CNTNAP5: variants seen among roughly 807,000 people sequenced by gnomAD.
CNTNAP5 encodes contactin-associated protein-like 5.
In CNTNAP5, 72 loss-of-function variants were observed where a neutral mutation model predicts 150.2. The observed-to-expected ratio is 0.48, with a 90% CI of 0.40 to 0.58. The LOEUF (loss-of-function observed/expected upper bound fraction) is 0.58. Ranked by LOEUF, CNTNAP5 falls within the 20% of genes least tolerant of loss-of-function variation. The pLI, the probability that CNTNAP5 is intolerant of heterozygous loss-of-function variation, is 0.00. For missense variants in CNTNAP5, 1,636 were observed against 1,626.2 expected (o/e 1.01, Z -0.10); for synonymous variants, 672 against 619.8 (o/e 1.08, Z -1.25).
chr2:124,488,806 T>C (rs1042268294), intron 7 of CNTNAP5, among the ~76,000 whole-genome samples: 1 of 152,212 alleles, frequency 6.6e-6, no homozygotes, highest in Admixed American at 6.5e-5. Flanking sequence ...CATCTTCTCA[T>C]AGAAGGCTGA....
At chr2:124,651,505 C>T (rs1678322481) in intron 13 of CNTNAP5, among the ~76,000 whole-genome samples, 1 of 152,126 alleles carries the variant, frequency 6.6e-6, no homozygotes, top group Admixed American at 6.6e-5. Flanking sequence ...TCATTGTCCC[C>T]ATCTGATATT....
intron 1 of CNTNAP5, among the ~76,000 whole-genome samples, chr2:124,076,199 C>T (rs1254699856): frequency 1.3e-5 from 2 of 152,120 alleles, no homozygotes; most frequent in Non-Finnish European, 1.5e-5. Flanking sequence ...ACCCTGACTT[C>T]ACATTCTTTG....
At chr2:124,795,885 C>T (rs938686341) in intron 18 of CNTNAP5, among the ~76,000 whole-genome samples, 2 of 151,738 alleles carry the variant, frequency 1.3e-5, no homozygotes, top group African/African-American at 4.8e-5. Context: ...GTTCTTCCAC[C>T]AAGTGGATGC....
intron 3 of CNTNAP5, among the ~76,000 whole-genome samples, chr2:124,330,269 T>C (rs1689317488): frequency 6.6e-6 from 1 of 152,200 alleles, no homozygotes; most frequent in Admixed American, 6.5e-5. Flanking sequence ...AAAGCCTTGG[T>C]AATATAATCA....
At position 124,861,959 on chromosome 2, in the gene CNTNAP5, A is replaced by G. The variant is rs1056730016; in HGVS notation, c.3218-3347A>G. ...CTCCTGAGTAGCTGGGATTACAGGC[A>G]TGTGCCACCATGCCCAGCTAATTTT... On this transcript the variant is annotated intron_variant, in intron 19 of 23. Transcript: ENST00000682447. Among the ~76,000 whole-genome samples, 5 of 152,030 alleles carry G rather than the reference A, an allele frequency of 3.3e-5. No homozygotes were observed. In the South Asian group the frequency reaches 6.2e-4, roughly 19 times the overall value.
chr2:124,707,803 T>C (rs1404223986), intron 13 of CNTNAP5, among the ~76,000 whole-genome samples: 1 of 152,220 alleles, frequency 6.6e-6, no homozygotes, highest in Non-Finnish European at 1.5e-5. Context: ...GGAAAATTTT[T>C]GTCATCAGCC....
intron 2 of CNTNAP5, among the ~76,000 whole-genome samples, chr2:124,235,839 T>C (rs1305394091): frequency 1.3e-5 from 2 of 152,170 alleles, no homozygotes; most frequent in African/African-American, 2.4e-5. Flanking sequence ...TCCTTTGTTG[T>C]TTTCTGCAGA....
At chr2:124,520,137 T>A (rs1694819334) in intron 8 of CNTNAP5, among the ~76,000 whole-genome samples, 1 of 152,192 alleles carries the variant, frequency 6.6e-6, no homozygotes, top group Non-Finnish European at 1.5e-5. Flanking sequence ...ATGCAGCACG[T>A]CCTATTTATT....
chr2:124,291,863 A>G (rs928841069), intron 3 of CNTNAP5, among the ~76,000 whole-genome samples: 2 of 152,220 alleles, frequency 1.3e-5, no homozygotes, highest in African/African-American at 4.8e-5. Flanking sequence ...TGTGTCCAAC[A>G]TGGTGTGGTC....
chr2:124,314,263 G>T (rs1338649142), intron 3 of CNTNAP5, among the ~76,000 whole-genome samples: 2 of 152,130 alleles, frequency 1.3e-5, no homozygotes, highest in Non-Finnish European at 2.9e-5. Flanking sequence ...TGATTTCCGT[G>T]TTTCACAACC....
chr2:124,535,175 A>G (rs1378033654), intron 10 of CNTNAP5, among the ~76,000 whole-genome samples: 2 of 152,054 alleles, frequency 1.3e-5, no homozygotes, highest in Non-Finnish European at 2.9e-5. Context: ...ATTTCCTCAT[A>G]CAGTGATGCT....
At chr2:124,648,579 C>T (rs186409362) in intron 13 of CNTNAP5, among the ~76,000 whole-genome samples, 39 of 152,170 alleles carry the variant, frequency 2.6e-4, no homozygotes, top group African/African-American at 9.2e-4. Flanking sequence ...TATTTATTTT[C>T]CCATGGTTAT....
intron 1 of CNTNAP5, among the ~76,000 whole-genome samples, chr2:124,150,227 A>G (rs149266311): frequency 6.6e-6 from 1 of 152,190 alleles, no homozygotes; most frequent in East Asian, 2.0e-4. Context: ...TTGCCCTACT[A>G]TATTTAAATT....
At chr2:124,267,423 A>C (rs1024290244) in intron 3 of CNTNAP5, among the ~76,000 whole-genome samples, 1 of 152,154 alleles carries the variant, frequency 6.6e-6, no homozygotes, top group African/African-American at 2.4e-5. Context: ...CCTGTGACCA[A>C]CAACCCCGTG....
At chr2:124,779,383 C>G (rs1410469933) in intron 17 of CNTNAP5, among the ~76,000 whole-genome samples, 3 of 152,158 alleles carry the variant, frequency 2.0e-5, no homozygotes, top group Non-Finnish European at 4.4e-5. Flanking sequence ...TTTCTTCTGT[C>G]CAACCATAAG....
At chr2:124,754,055 C>A (rs562599255) in intron 14 of CNTNAP5, among the ~76,000 whole-genome samples, 13 of 152,180 alleles carry the variant, frequency 8.5e-5, no homozygotes, top group African/African-American at 3.1e-4. Flanking sequence ...CTAGTGGTGT[C>A]GAATTTTGCT....
chr2:124,086,614 T>TAG lies in CNTNAP5; in HGVS notation c.82+60883_82+60884insGA, dbSNP rs879284342. Reference sequence around the variant, plus strand: ...TTTTTTTTGCTCTGAAGATAAGATATATTATCTATATCTTATCTTCTAAGT... The same window carrying TAG: ...TTTTTTTTGCTCTGAAGATAAGATATAGATTATCTATATCTTATCTTCTAAGT... On this transcript the variant is annotated intron_variant, in intron 1 of 23. Coordinates refer to ENST00000682447, the MANE Select transcript of CNTNAP5 (RefSeq NM_001367498.1). 1.4e-3 allele frequency among the ~76,000 whole-genome samples: 218 copies of TAG among 151,760 alleles called. 1 individual carries two copies. The highest frequency in any genetic ancestry group is 2.5e-3 in the Non-Finnish European group (169 of 68,008).
In CNTNAP5 at chr2:124,468,015, G is replaced by A. The variant is rs371505808; in HGVS notation, c.919-6724G>A. On this transcript the variant is annotated intron_variant, in intron 6 of 23. Transcript: ENST00000682447. ...CCCTTGGCAGATCACTAATGGGGTG[G>A]TTTGTGTATCGTGCTGCGTCAAGGG... is the stretch of plus-strand genomic sequence containing the variant. Among the ~76,000 whole-genome samples, 448 of 152,142 alleles carry A rather than the reference G, an allele frequency of 2.9e-3. 1 individual carries two copies. The highest frequency in any genetic ancestry group is 0.01 in the African/African-American group (431 of 41,516).
At chr2:124,086,339 G>A (rs572001451) in intron 1 of CNTNAP5, among the ~76,000 whole-genome samples, 4 of 151,468 alleles carry the variant, frequency 2.6e-5, no homozygotes, top group Non-Finnish European at 5.9e-5. Flanking sequence ...GAGTAGCTGG[G>A]ACTGCAGGTG....
Sources: gnomAD v4.1 joint callset for allele counts (sites outside exome capture counted in the v4.1 genomes callset) on GRCh38, gnomAD v4.1.1 for gene constraint, MANE v1.5 for transcripts, NCBI Gene and HGNC (gene_info 2026-07-23, HGNC 2026-07-21) for gene names.